Variants in TMEM132D observed in about 807,000 individuals in gnomAD.
TMEM132D encodes mature OL transmembrane protein.
TMEM132D carries 21 observed loss-of-function variants against 62.3 expected under a neutral mutation model. The observed-to-expected ratio is 0.34, with a 90% confidence interval of 0.24 to 0.49. The LOEUF is 0.49. Among genes scored for constraint, TMEM132D ranks in the 20% least tolerant of loss-of-function variants. The probability of loss-of-function intolerance (pLI) is 0.99; values close to 1 mark genes in which losing one functional copy is unlikely to be tolerated. For missense variants in TMEM132D, 1,346 were observed against 1,402.8 expected, an observed-to-expected ratio of 0.96 and a Z score of 0.65; for synonymous variants, 621 against 575.6, an observed-to-expected ratio of 1.08 and a Z score of -1.13.
At chr12:129,813,823 T>A (rs1312388343) in intron 1 of TMEM132D, among the ~76,000 whole-genome samples, 3 of 151,944 alleles carry the variant, frequency 2.0e-5, no homozygotes, top group Non-Finnish European at 4.4e-5. Context: ...AGGAAAGTTA[T>A]GGAAAATAAG....
chr12:129,257,938 T>C (rs1880451360), intron 4 of TMEM132D, among the ~76,000 whole-genome samples: 1 of 152,184 alleles, frequency 6.6e-6, no homozygotes, highest in Admixed American at 6.5e-5. Flanking sequence ...TGCATGTTAA[T>C]TTACATGAGA....
chr12:129,182,953 TAC>T (rs1878108963), intron 5 of TMEM132D, among the ~76,000 whole-genome samples: 1 of 152,164 alleles, frequency 6.6e-6, no homozygotes, highest in South Asian at 2.1e-4. Flanking sequence ...GTGGTTAGGT[TAC>T]AACAGGTGTG....
chr12:129,439,251 C>T (rs1156405854), intron 3 of TMEM132D, among the ~76,000 whole-genome samples: 1 of 152,084 alleles, frequency 6.6e-6, no homozygotes, highest in South Asian at 2.1e-4. Context: ...ATAGCTCAGC[C>T]GAAATATCTG....
At chr12:129,209,837 G>A (rs756440874) in intron 4 of TMEM132D, 174 bp from the exon 5 acceptor site, 16 of 820,080 alleles carry the variant, frequency 2.0e-5, no homozygotes, top group Non-Finnish European at 2.4e-5. Flanking sequence ...ATGAGATAAT[G>A]TTCTGTCCTC....
In TMEM132D at chr12:129,834,619, G is replaced by T. The variant is rs894909236; in HGVS notation, c.79+68642C>A. On this transcript the variant is annotated intron_variant, in intron 1 of 8. Coordinates refer to ENST00000422113, the MANE Select transcript of TMEM132D (RefSeq NM_133448.3). Reference sequence around the variant, plus strand: ...TCCTCGCTTCTGTTCTGGTCCCTGGGCAGTGAGCAGCAGGACCTGAGTCGG... The same window carrying T: ...TCCTCGCTTCTGTTCTGGTCCCTGGTCAGTGAGCAGCAGGACCTGAGTCGG... 3.3e-5 allele frequency among the ~76,000 whole-genome samples: 5 copies of T among 152,258 alleles called. No individual in the cohort carries two copies. The South Asian group carries it at 8.3e-4, about 25-fold the overall frequency.
chr12:129,473,318 G>GTTTTTT (rs1441231858), intron 3 of TMEM132D, among the ~76,000 whole-genome samples: 22 of 57,778 alleles, frequency 3.8e-4, no homozygotes, highest in East Asian at 1.0e-3. Context: ...AGTGATTTTA[G>GTTTTTT]TTTTTGTTTT....
At chr12:129,834,623 T>C (rs550583121) in intron 1 of TMEM132D, among the ~76,000 whole-genome samples, 1 of 152,298 alleles carries the variant, frequency 6.6e-6, no homozygotes, top group South Asian at 2.1e-4. Flanking sequence ...CCCTGGGCAG[T>C]GAGCAGCAGG....
At chr12:129,556,030 T>G (rs1420047067) in intron 2 of TMEM132D, among the ~76,000 whole-genome samples, 2 of 152,190 alleles carry the variant, frequency 1.3e-5, no homozygotes, top group Non-Finnish European at 2.9e-5. Context: ...GGTTTTTCCA[T>G]GAAAATGCCA....
chr12:129,799,630 C>T (rs146409750), intron 1 of TMEM132D, among the ~76,000 whole-genome samples: 28 of 152,160 alleles, frequency 1.8e-4, no homozygotes, highest in African/African-American at 5.5e-4. Context: ...GTTGGCCCGT[C>T]GGTCTCTCAC....
At chr12:129,803,187 G>A (rs1200666006) in intron 1 of TMEM132D, among the ~76,000 whole-genome samples, 8 of 151,462 alleles carry the variant, frequency 5.3e-5, no homozygotes, top group South Asian at 2.1e-4. Flanking sequence ...CACCAAGCGG[G>A]CCTAATAGAC....
In TMEM132D at chr12:129,903,394, G is replaced by C; in HGVS notation, c.-55C>G. The C allele has an allele frequency of 2.0e-6, 3 of 1,536,088 alleles. No homozygotes were observed. In the South Asian group the frequency reaches 3.6e-5, roughly 18 times the overall value. The stretch of plus-strand genomic sequence containing the variant: ...TCCCCGGCGCCGTCCAGGCGAACAA[G>C]AGACCGTCTCAGTCCCCTAGAGGCC... On this transcript the variant is annotated 5_prime_UTR_variant, in exon 1 of 9. Coordinates refer to ENST00000422113, the MANE Select transcript of TMEM132D (RefSeq NM_133448.3). The surrounding 1 kb of genome is among the most constrained non-coding windows in gnomAD (Gnocchi z 6.2).
intron 5 of TMEM132D, among the ~76,000 whole-genome samples, chr12:129,106,705 G>A (rs1307647017): frequency 6.6e-6 from 1 of 152,274 alleles, no homozygotes; most frequent in South Asian, 2.1e-4. Flanking sequence ...CTTAAGTGTG[G>A]TATGGTCGTG....
chr12:129,552,819 C>A (rs540333217), intron 2 of TMEM132D, among the ~76,000 whole-genome samples: 4 of 152,098 alleles, frequency 2.6e-5, no homozygotes, highest in Non-Finnish European at 4.4e-5. Flanking sequence ...ATCTATCTAC[C>A]GGTTTATATC....
chr12:129,873,106 C>T (rs138584691), intron 1 of TMEM132D, among the ~76,000 whole-genome samples: 9 of 152,264 alleles, frequency 5.9e-5, no homozygotes, highest in South Asian at 4.1e-4. Context: ...GGTAGGGAGA[C>T]GCTATGAAAT....
chr12:129,296,743 G>A (rs1020972510), intron 4 of TMEM132D, among the ~76,000 whole-genome samples: 1 of 152,310 alleles, frequency 6.6e-6, no homozygotes, highest in Non-Finnish European at 1.5e-5. Context: ...GCCAGCAAAG[G>A]TTATGTGCTA....
intron 3 of TMEM132D, among the ~76,000 whole-genome samples, chr12:129,470,378 C>T (rs1235983862): frequency 2.6e-5 from 4 of 152,290 alleles, no homozygotes; most frequent in African/African-American, 9.6e-5. Flanking sequence ...AGACTGCCAA[C>T]ACGTGTAGTG....
chr12:129,426,089 G>T (rs900214627), intron 3 of TMEM132D, among the ~76,000 whole-genome samples: 1 of 152,186 alleles, frequency 6.6e-6, no homozygotes, highest in Non-Finnish European at 1.5e-5. Context: ...GATGGAGATT[G>T]TGTTCAGCTG....
chr12:129,391,370 T>C (rs916779911), intron 3 of TMEM132D, among the ~76,000 whole-genome samples: 1 of 152,104 alleles, frequency 6.6e-6, no homozygotes, highest in Admixed American at 6.6e-5. Flanking sequence ...GAGGAGAAGG[T>C]CCACTGTGCC....
chr12:129,663,215 G>A (rs909632599), intron 2 of TMEM132D, among the ~76,000 whole-genome samples: 15 of 151,938 alleles, frequency 9.9e-5, no homozygotes, highest in Non-Finnish European at 2.1e-4. Flanking sequence ...TTGGCTCTCC[G>A]CAGCCTCCAC....
Sources: allele counts gnomAD v4.1 joint callset (sites outside exome capture counted in the v4.1 genomes callset), GRCh38; gene constraint gnomAD v4.1.1; non-coding constraint Gnocchi (gnomAD v3.1); transcripts MANE v1.5; gene names NCBI Gene and HGNC (gene_info 2026-07-23, HGNC 2026-07-21).